Variants in PABPN1L observed in about 807,000 individuals in gnomAD.
PABPN1L encodes PABPN1 like, cytoplasmic, also known as embryonic polyadenylate-binding protein 2.
Under a neutral mutation model 34.0 loss-of-function variants are expected in PABPN1L, and 45 were observed. That is an observed-to-expected ratio of 1.32 (90% CI 1.04 to 1.70). PABPN1L has a LOEUF of 1.70. Among genes scored for constraint, PABPN1L ranks in the 40% most tolerant of loss-of-function variants. The pLI, the probability that PABPN1L is intolerant of heterozygous loss-of-function variation, is 0.00. For missense variants in PABPN1L, 459 were observed against 367.8 expected (o/e 1.25, Z -2.03); for synonymous variants, 182 against 152.1 (o/e 1.20, Z -1.45).
At chr16:88,866,237 T>C (rs1453351643) in intron 1 of PABPN1L, 115 bp downstream of exon 1, 3 of 1,430,276 alleles carry the variant, frequency 2.1e-6, no homozygotes, top group Non-Finnish European at 1.8e-6. Context: ...AGGTGGGCAA[T>C]GGCCCTCTCC....
intron 3 of PABPN1L, 90 bp from the exon 4 acceptor site, chr16:88,865,218 C>T (rs990471823): frequency 2.5e-5 from 35 of 1,389,512 alleles, no homozygotes; most frequent in Non-Finnish European, 3.2e-5. Context: ...AACCCCAAGG[C>T]TGGGCCCCGT....
intron 3 of PABPN1L, 46 bp from the exon 4 acceptor site, chr16:88,865,174 G>A: frequency 6.5e-7 from 1 of 1,534,292 alleles, no homozygotes; most frequent in East Asian, 2.4e-5. Flanking sequence ...GCCTGGCCCT[G>A]ACTCGGGGCC....
intron 3 of PABPN1L, 113 bp downstream of exon 3, chr16:88,865,450 A>C: frequency 3.7e-6 from 5 of 1,334,740 alleles, no homozygotes; most frequent in Non-Finnish European, 4.1e-6. Flanking sequence ...GGCTGCCCCC[A>C]GGGTCAGACC....
At chr16:88,866,775 G>A (rs1257881717), upstream of PABPN1L, 9 of 931,426 alleles carry the variant, frequency 9.7e-6, no homozygotes, top group African/African-American at 1.7e-5. Flanking sequence ...CTTGGCTCCC[G>A]GCCCCGCCCC....
exon 5 of PABPN1L, chr16:88,864,906 C>G (rs780812870): frequency 1.2e-6 from 2 of 1,605,728 alleles, no homozygotes; most frequent in Non-Finnish European, 1.7e-6. Context: ...GCGGCCTGCA[C>G]GGAGCCCTTG....
At position 88,866,478 on chromosome 16, in the gene PABPN1L, C is replaced by A. The variant is rs186881637; in HGVS notation, c.129G>T (p.Glu43Asp). 1,262 of 1,551,518 alleles carry A rather than the reference C, an allele frequency of 8.1e-4. 11 individuals are homozygous for A. In the African/African-American group the frequency reaches 0.015, roughly 19 times the overall value. The change falls in exon 1 of 7, where the codon GAG becomes GAT. Residue 43 changes from glutamate to aspartate, a missense_variant. Coordinates refer to ENST00000419291, the Ensembl canonical transcript of PABPN1L. The stretch of plus-strand genomic sequence containing the variant: ...CTTTCTCCTCCTTCCCTTCCCCACC[C>A]TCTGGCCCCAGAATCTCCTTGGTCT...
At chr16:88,868,789 G>C (rs897548028), upstream of PABPN1L, among the ~76,000 whole-genome samples, 2 of 152,208 alleles carry the variant, frequency 1.3e-5, no homozygotes, top group African/African-American at 4.8e-5. Context: ...GAAGGTGGGG[G>C]TAGAGAAGAG....
rs1968571060 is a variant in PABPN1L, at chr16:88,865,570, A to T, written c.452T>A (p.Val151Glu). Reference sequence around the variant, plus strand: ...ACCCCGCCCACCACTCACGTTGCCCACGTAGACGGATCTGTGGTCAGCCTC... The same window carrying T: ...ACCCCGCCCACCACTCACGTTGCCCTCGTAGACGGATCTGTGGTCAGCCTC... Residue 151 changes from valine to glutamate, a missense_variant, in exon 3 of 7, where the codon GTG (valine) becomes GAG (glutamate). Physicochemically the swap from Val to Glu is moderately radical, Grantham distance 121. Transcript: ENST00000419291. 1.9e-6 allele frequency: 3 copies of T among 1,611,444 alleles called. 1 individual carries two copies. Among genetic ancestry groups the T allele is most frequent in the Admixed American group, 3.3e-5 (2 of 59,832 alleles).
chr16:88,866,640 G>C (rs529094348), upstream of PABPN1L: 1 of 1,506,264 alleles, frequency 6.6e-7, no homozygotes, highest in South Asian at 1.3e-5. Flanking sequence ...GGCCAGGCGA[G>C]GCCTCCCCTC....
At chr16:88,869,148 C>T (rs7202075), upstream of PABPN1L, among the ~76,000 whole-genome samples, 9 of 152,184 alleles carry the variant, frequency 5.9e-5, no homozygotes, top group East Asian at 3.8e-4. Context: ...TGGCTTAGTG[C>T]GTTTTAGGTC....
chr16:88,865,457 G>A, intron 3 of PABPN1L, 106 bp downstream of exon 3: 1 of 1,418,452 alleles, frequency 7.0e-7, no homozygotes, highest in Non-Finnish European at 9.6e-7. Flanking sequence ...CCCAGGGTCA[G>A]ACCCCCTTCC....
chr16:88,865,822 C>A (rs764130739), exon 2 of PABPN1L: 1 of 1,607,278 alleles, frequency 6.2e-7, no homozygotes. Context: ...TCTCAGGGCT[C>A]AGCAGCTGCC....
chr16:88,866,287 G>C, intron 1 of PABPN1L, 65 bp downstream of exon 1: 1 of 1,504,576 alleles, frequency 6.6e-7, no homozygotes, highest in Non-Finnish European at 8.9e-7. Flanking sequence ...CCCAGACCCC[G>C]TGTCTCCACC....
intron 2 of PABPN1L, 56 bp downstream of exon 2, chr16:88,865,750 A>G: frequency 6.4e-7 from 1 of 1,562,904 alleles, no homozygotes; most frequent in Non-Finnish European, 8.7e-7. Context: ...CCCAACCTTA[A>G]TGGAAACTGT....
chr16:88,863,566 T>C lies in PABPN1L; in HGVS notation c.*190A>G, dbSNP rs754119191. 5 of 748,296 alleles carry C rather than the reference T, an allele frequency of 6.7e-6. No individual in the cohort carries two copies. In the East Asian group the frequency reaches 1.4e-4, roughly 20 times the overall value. The allele number at this position is 748,296 out of a possible 1,614,324, so 46.4% of individuals were successfully genotyped here. A position where few individuals can be genotyped will look rare whatever the true frequency, so the allele number is the denominator to read the frequency against. ...GTGGCTGTGACTCGTGGCTGTGGCC[T>C]TGGGTCTGGACCACCATACAAGGCC... On this transcript the variant is annotated 3_prime_UTR_variant, in exon 7 of 7. Coordinates refer to ENST00000419291, the Ensembl canonical transcript of PABPN1L.
At chr16:88,864,823 T>G in intron 5 of PABPN1L, 30 bp downstream of exon 5, 1 of 1,575,082 alleles carries the variant, frequency 6.3e-7, no homozygotes. Context: ...TCTGCGCTCA[T>G]GTTCCTGGAC....
chr16:88,864,788 G>T (rs951490505), intron 5 of PABPN1L, 65 bp downstream of exon 5: 5 of 1,474,212 alleles, frequency 3.4e-6, no homozygotes, highest in Non-Finnish European at 4.6e-6. Flanking sequence ...GCTGCTGTGT[G>T]TCCCAGGGCC....
intron 6 of PABPN1L, among the ~76,000 whole-genome samples, 161 bp downstream of exon 6, chr16:88,864,076 G>GC (rs10711302): frequency 0.01 from 1,430 of 139,010 alleles, 27 homozygotes; most frequent in African/African-American, 0.038. Context: ...TACAAAAAGC[G>GC]CCCCCCCCAC....
chr16:88,864,987 G>T (rs767197163), intron 4 of PABPN1L, 35 bp downstream of exon 4: 2 of 1,597,292 alleles, frequency 1.3e-6, no homozygotes, highest in Middle Eastern at 1.7e-4. Flanking sequence ...GGCCCTGTCC[G>T]CATGGCCAGT....
Sources: gnomAD v4.1 joint callset for allele counts (sites outside exome capture counted in the v4.1 genomes callset) on GRCh38, gnomAD v4.1.1 for gene constraint, MANE v1.5 for transcripts, NCBI Gene and HGNC (gene_info 2026-07-23, HGNC 2026-07-21) for gene names.